CLEC16A: variants seen among roughly 807,000 people sequenced by gnomAD.
CLEC16A encodes protein CLEC16A.
Under a neutral mutation model 109.5 loss-of-function variants are expected in CLEC16A, and 51 were observed. That is an observed-to-expected ratio of 0.47 (90% confidence interval 0.37 to 0.59). The LOEUF is 0.59. Ranked by LOEUF, CLEC16A falls within the 20% of genes least tolerant of loss-of-function variation. The pLI is 0.00. For missense variants in CLEC16A, 1,339 were observed against 1,394.0 expected (o/e 0.96, Z 0.63); for synonymous variants, 673 against 564.2 (o/e 1.19, Z -2.73).
At chr16:11,161,824 A>T (rs1258340283) in intron 22 of CLEC16A, among the ~76,000 whole-genome samples, 1 of 152,230 alleles carries the variant, frequency 6.6e-6, no homozygotes, top group Non-Finnish European at 1.5e-5. Context: ...CAACGTGTCC[A>T]TGGTGGTACC....
At position 11,042,335 on chromosome 16, in the gene CLEC16A, T is replaced by A. The variant is rs1311586196; in HGVS notation, c.1742T>A (p.Met581Lys). ...GTCCTGATGAGTGCTGGCTGCATCA[T>A]GAAGGACGTGCACCTGGCCTGCCTG... Reference protein sequence around the residue: ...QQVLMSAGCIMKDVHLACLEG... With the variant: ...QQVLMSAGCIKKDVHLACLEG... Residue 581 changes from methionine (M) to lysine (K), a missense_variant, in exon 15 of 24, where the codon ATG (methionine) becomes AAG (lysine). By Grantham distance (95) the Met-to-Lys change is moderately conservative. Coordinates refer to ENST00000409790, the MANE Select transcript of CLEC16A (RefSeq NM_015226.3). The A allele has an allele frequency of 6.3e-7, 1 of 1,591,216 alleles. No homozygotes were observed.
chr16:11,147,187 G>A lies in CLEC16A; in HGVS notation c.2642-19201G>A, dbSNP rs74009926. 4.7e-3 allele frequency among the ~76,000 whole-genome samples: 723 copies of A among 152,296 alleles called. 6 individuals carry two copies. Among genetic ancestry groups the A allele is most frequent in the African/African-American group, 0.017 (702 of 41,556 alleles). On this transcript the variant is annotated intron_variant, in intron 22 of 23. Transcript: ENST00000409790. ...TATGTTGCTGCCCGTTTGACACCTG[G>A]CAACAGTTTGGCTAGGCACAGAATT...
chr16:11,122,121 C>T (rs975618289), intron 20 of CLEC16A, among the ~76,000 whole-genome samples: 7 of 152,070 alleles, frequency 4.6e-5, no homozygotes, highest in Non-Finnish European at 7.3e-5. Context: ...TGGCTCAGGC[C>T]GCCCCACCTC....
At chr16:10,995,322 C>A (rs958093985) in intron 10 of CLEC16A, among the ~76,000 whole-genome samples, 1 of 152,220 alleles carries the variant, frequency 6.6e-6, no homozygotes, top group African/African-American at 2.4e-5. Context: ...GTGGATGGGA[C>A]CCTGGGCCTC....
At chr16:11,135,661 T>G (rs2053515601) in intron 22 of CLEC16A, among the ~76,000 whole-genome samples, 1 of 152,194 alleles carries the variant, frequency 6.6e-6, no homozygotes, top group South Asian at 2.1e-4. Flanking sequence ...TGGTTGCTAA[T>G]AGAGAAGCCC....
chr16:11,101,078 G>C (rs1200501832), intron 19 of CLEC16A, among the ~76,000 whole-genome samples: 1 of 152,108 alleles, frequency 6.6e-6, no homozygotes, highest in Non-Finnish European at 1.5e-5. Context: ...AGGAACAAAT[G>C]TCATGTTATT....
chr16:11,180,915 G>A lies in CLEC16A; in HGVS notation c.*2225G>A, dbSNP rs200489961. ...TTAAAGGTGACTGGGAGGACCAGCG[G>A]AGGATAAAAGACACTGCTCAGGGCA... On this transcript the variant is annotated 3_prime_UTR_variant, in exon 24 of 24. Transcript: ENST00000409790. 6.5e-6 allele frequency: 1 copy of A among 152,714 alleles called. No individual in the cohort carries two copies. The highest frequency in any genetic ancestry group is 2.4e-5 in the African/African-American group (1 of 41,588). 9.5% of individuals were successfully genotyped at this position (152,714 alleles called of 1,614,324 possible). A position where few individuals can be genotyped will look rare whatever the true frequency, so the allele number is the denominator to read the frequency against.
At chr16:11,151,708 C>G (rs1450310064) in intron 22 of CLEC16A, among the ~76,000 whole-genome samples, 1 of 152,194 alleles carries the variant, frequency 6.6e-6, no homozygotes, top group African/African-American at 2.4e-5. Flanking sequence ...CAAGGGAGCC[C>G]AGGAGAGAGT....
chr16:11,070,422 G>C (rs952853104), intron 19 of CLEC16A: 3 of 151,382 alleles, frequency 2.0e-5, no homozygotes, highest in African/African-American at 7.3e-5. Context: ...GCCCAGGCTG[G>C]TCTCAAACTC....
At chr16:11,132,398 T>C (rs1359901982) in intron 22 of CLEC16A, among the ~76,000 whole-genome samples, 1 of 152,066 alleles carries the variant, frequency 6.6e-6, no homozygotes, top group African/African-American at 2.4e-5. Context: ...CATCTATCCT[T>C]CTTTTAGCTG....
At chr16:10,965,560 A>T (rs186411292) in intron 3 of CLEC16A, among the ~76,000 whole-genome samples, 3 of 152,240 alleles carry the variant, frequency 2.0e-5, no homozygotes, top group Admixed American at 2.0e-4. Context: ...GTTGTGCTAT[A>T]ATCTATTTAA....
intron 19 of CLEC16A, among the ~76,000 whole-genome samples, chr16:11,066,190 G>T (rs1468367870): frequency 6.6e-6 from 1 of 152,070 alleles, no homozygotes; most frequent in Non-Finnish European, 1.5e-5. Context: ...AGGAGTAGAT[G>T]AGCATTATCT....
chr16:11,145,181 A>G (rs79449737), intron 22 of CLEC16A, among the ~76,000 whole-genome samples: 2,081 of 152,216 alleles, frequency 0.014, 23 homozygotes, highest in South Asian at 0.032. Context: ...GGCCCAGGGA[A>G]TAGCTGATGG....
intron 22 of CLEC16A, among the ~76,000 whole-genome samples, chr16:11,135,762 G>T (rs1240527701): frequency 6.6e-6 from 1 of 152,224 alleles, no homozygotes; most frequent in African/African-American, 2.4e-5. Context: ...GCTCGGGTGG[G>T]CCCGCAGCAG....
At chr16:10,965,811 C>T (rs2042473561) in intron 3 of CLEC16A, among the ~76,000 whole-genome samples, 3 of 152,214 alleles carry the variant, frequency 2.0e-5, no homozygotes, top group African/African-American at 7.2e-5. Flanking sequence ...CCTATGGTGG[C>T]CCCCCACCAC....
chr16:11,159,477 C>T (rs1343000975), intron 22 of CLEC16A, among the ~76,000 whole-genome samples: 2 of 152,258 alleles, frequency 1.3e-5, no homozygotes, highest in Non-Finnish European at 2.9e-5. Context: ...GGAAGGCCCT[C>T]CTTGGTAAGG....
chr16:11,043,062 ATGTTTGTG>A (rs1386277096), intron 15 of CLEC16A, among the ~76,000 whole-genome samples: 1 of 138,058 alleles, frequency 7.2e-6, no homozygotes, highest in East Asian at 2.0e-4. Context: ...GTGTGTATAT[ATGTTTGTG>A]TATATATATA....
intron 22 of CLEC16A, among the ~76,000 whole-genome samples, chr16:11,149,077 G>A (rs1217756322): frequency 6.6e-6 from 1 of 152,226 alleles, no homozygotes; most frequent in African/African-American, 2.4e-5. Context: ...GGGAGAAAGA[G>A]AGATGGTGAA....
chr16:10,951,205 T>C (rs2041712744), intron 1 of CLEC16A, among the ~76,000 whole-genome samples: 1 of 152,216 alleles, frequency 6.6e-6, no homozygotes, highest in African/African-American at 2.4e-5. Context: ...CTGAAGCTCA[T>C]CTGTCGGTGG....
Sources: allele counts gnomAD v4.1 joint callset (sites outside exome capture counted in the v4.1 genomes callset), GRCh38; gene constraint gnomAD v4.1.1; transcripts MANE v1.5; gene names NCBI Gene and HGNC (gene_info 2026-07-23, HGNC 2026-07-21).